Variants in WFIKKN2 observed in about 807,000 individuals in gnomAD.
The protein encoded by WFIKKN2 is WAP, follistatin/kazal, immunoglobulin, kunitz and netrin domain containing 2.
A neutral mutation model predicts 39.2 loss-of-function variants in WFIKKN2; 25 were observed. The ratio of observed to expected loss-of-function variants is 0.64; its 90% CI spans 0.47 to 0.89. The LOEUF is 0.89. Ranked by LOEUF, WFIKKN2 falls within the 40% of genes least tolerant of loss-of-function variation. WFIKKN2 has a pLI of 0.00. For synonymous variants in WFIKKN2, 345 were observed against 329.7 expected (o/e 1.05, Z -0.50); for missense variants, 770 against 811.7 (o/e 0.95, Z 0.62).
chr17:50,840,517 A>G lies in WFIKKN2; in HGVS notation c.1229A>G (p.Gln410Arg), dbSNP rs767468625. 2 of 1,614,008 alleles carry G rather than the reference A, an allele frequency of 1.2e-6. No homozygotes were observed. Among genetic ancestry groups the G allele is most frequent in the Non-Finnish European group, 1.7e-6 (2 of 1,179,942 alleles). ...PRWAYNSQTGQCQSFVYGGCE... is the reference protein window; with the variant it reads ...PRWAYNSQTGRCQSFVYGGCE... Reference sequence around the variant, plus strand: ...TGGGCTTACAACAGCCAGACGGGCCAGTGCCAGTCCTTTGTCTATGGTGGC... The same window carrying G: ...TGGGCTTACAACAGCCAGACGGGCCGGTGCCAGTCCTTTGTCTATGGTGGC... Residue 410 changes from glutamine (Q) to arginine (R), a missense_variant, in exon 2 of 2, where the codon CAG becomes CGG. Coordinates refer to ENST00000311378, the MANE Select transcript of WFIKKN2 (RefSeq NM_175575.6).
In WFIKKN2 at chr17:50,836,080, A is replaced by G. The variant is rs757392566; in HGVS notation, c.143A>G (p.Asn48Ser). 2.5e-5 allele frequency: 40 copies of G among 1,611,296 alleles called. No homozygotes were observed. The highest frequency in any genetic ancestry group is 3.3e-5 in the Non-Finnish European group (39 of 1,178,882). ...TATTCCCACGCCGGCATCTGCCCCAACGACATGAATCCCAACCTCTGGGTG... is the reference window on the plus strand; with the variant it reads ...TATTCCCACGCCGGCATCTGCCCCAGCGACATGAATCCCAACCTCTGGGTG... ...IRYSHAGICP[N>S]DMNPNLWVDA... is the part of the protein sequence containing the mutation. The change falls in exon 1 of 2, where the codon AAC (asparagine) becomes AGC (serine). Residue 48 changes from asparagine (N) to serine (S), a missense_variant. Asn to Ser is a conservative substitution (Grantham distance 46, BLOSUM62 1). Transcript: ENST00000311378.
chr17:50,838,061 T>C (rs1461060981), intron 1 of WFIKKN2, among the ~76,000 whole-genome samples: 1 of 152,122 alleles, frequency 6.6e-6, no homozygotes, highest in Non-Finnish European at 1.5e-5. Context: ...ACCCAGGCTT[T>C]CATGGACCTC....
rs1972015863 is a variant in WFIKKN2 at position 50,840,029 on chromosome 17, G to A, written c.741G>A (p.Leu247=). The A allele has an allele frequency of 1.9e-6, 3 of 1,614,150 alleles. No homozygotes were observed. In the African/African-American group the frequency reaches 4.0e-5, roughly 22 times the overall value. ...PRPEITWEKQ[L]EDRENVVMRP... ...CTGAGATCACCTGGGAGAAGCAGTT[G>A]GAGGATCGGGAGAATGTGGTCATGC... The change falls in exon 2 of 2, where the codon TTG becomes TTA. Residue 247 remains leucine, a synonymous_variant. Coordinates refer to ENST00000311378, the MANE Select transcript of WFIKKN2 (RefSeq NM_175575.6).
At chr17:50,836,793 A>T (rs1971965944) in intron 1 of WFIKKN2, among the ~76,000 whole-genome samples, 1 of 152,018 alleles carries the variant, frequency 6.6e-6, no homozygotes, top group South Asian at 2.1e-4. Context: ...GAGGCGGACC[A>T]GGTGAGTGGG....
chr17:50,841,489 CG>C lies in WFIKKN2; in HGVS notation c.*471del, dbSNP rs1182108704. On this transcript the variant is annotated 3_prime_UTR_variant, in exon 2 of 2. Coordinates refer to ENST00000311378, the MANE Select transcript of WFIKKN2 (RefSeq NM_175575.6). ...TGGGACACCTTTCCCACAGCCTCCT[CG>C]ATTGCTGTGAGCAGAGGCCACTCGG... The C allele has an allele frequency of 6.5e-6, 1 of 155,028 alleles. No homozygotes were observed. The highest frequency in any genetic ancestry group is 2.4e-5 in the African/African-American group (1 of 41,470). 9.6% of individuals were successfully genotyped at this position (155,028 alleles called of 1,614,324 possible).
At chr17:50,838,840 T>A (rs1971992355) in intron 1 of WFIKKN2, among the ~76,000 whole-genome samples, 1 of 152,048 alleles carries the variant, frequency 6.6e-6, no homozygotes, top group South Asian at 2.1e-4. Context: ...TGTGTGTCGG[T>A]CTCCTTGAGG....
At position 50,840,240 on chromosome 17, in the gene WFIKKN2, C is replaced by G. The variant is rs1972021642; in HGVS notation, c.952C>G (p.Pro318Ala). Residue 318 changes from proline to alanine, a missense_variant, in exon 2 of 2, where the codon CCC (proline) becomes GCC (alanine). Pro to Ala is a conservative substitution (Grantham distance 27). Transcript: ENST00000311378. ...HQAAATSESSPNGTAFPAAEC... is the reference protein window; with the variant it reads ...HQAAATSESSANGTAFPAAEC... ...GGCTGCAGCCACCTCAGAGAGCAGC[C>G]CCAATGGCACGGCTTTCCCGGCGGC... The G allele has an allele frequency of 2.5e-6, 4 of 1,613,900 alleles. No individual in the cohort carries two copies. The highest frequency in any genetic ancestry group is 3.4e-6 in the Non-Finnish European group (4 of 1,180,004).
chr17:50,835,929 G>A lies in WFIKKN2; in HGVS notation c.-9G>A. 1.2e-6 allele frequency: 2 copies of A among 1,610,172 alleles called. No individual in the cohort carries two copies. Among genetic ancestry groups the A allele is most frequent in the South Asian group, 1.1e-5 (1 of 90,390 alleles). ...TCAGGGGAGGTCTCTAGCCGCCCCA[G>A]CCTGCACCATGTGGGCCCCAAGGTG... On this transcript the variant is annotated 5_prime_UTR_variant, in exon 1 of 2. Transcript: ENST00000311378.
chr17:50,840,755 A>G lies in WFIKKN2; in HGVS notation c.1467A>G (p.Leu489=), dbSNP rs1972033811. ...CCCTGGTGACTGTGGATGAGGTCCT[A>G]AAGGATGAGAAAATGGGCCTCAAGT... ...GRALVTVDEV[L]KDEKMGLKFL... Residue 489 remains leucine, a synonymous_variant, in exon 2 of 2, where the codon CTA becomes CTG. Transcript: ENST00000311378. The G allele has an allele frequency of 1.9e-6, 3 of 1,614,050 alleles. No individual in the cohort carries two copies. The Middle Eastern group carries it at 5.0e-4, about 268-fold the overall frequency.
chr17:50,838,518 G>A (rs7225019), intron 1 of WFIKKN2, among the ~76,000 whole-genome samples: 88,640 of 152,112 alleles, frequency 0.58, 26,920 homozygotes, highest in Non-Finnish European at 0.69. Flanking sequence ...AAAACACCAC[G>A]TGAAATCCTT....
chr17:50,837,172 T>G (rs1198824585), intron 1 of WFIKKN2, among the ~76,000 whole-genome samples: 2 of 152,182 alleles, frequency 1.3e-5, no homozygotes, highest in Non-Finnish European at 2.9e-5. Context: ...GAGGGCACAG[T>G]TGTCATGGCC....
rs149132129 is a variant in WFIKKN2, at chr17:50,840,891, G to A, written c.1603G>A (p.Gly535Ser). The A allele has an allele frequency of 6.6e-5, 107 of 1,609,126 alleles. No individual in the cohort carries two copies. The African/African-American group carries it at 8.3e-4, about 12-fold the overall frequency. Reference sequence around the variant, plus strand: ...GCTCATCATCATGGGGGAGGTGGACGGCGGCATGGCCATGCTGCGCCCCGA... The same window carrying A: ...GCTCATCATCATGGGGGAGGTGGACAGCGGCATGGCCATGCTGCGCCCCGA... ...MPLIIMGEVD[G>S]GMAMLRPDSF... The change falls in exon 2 of 2, where the codon GGC becomes AGC. Residue 535 changes from glycine to serine, a missense_variant. Physicochemically the swap from Gly to Ser is moderately conservative, Grantham distance 56. Coordinates refer to ENST00000311378, the MANE Select transcript of WFIKKN2 (RefSeq NM_175575.6).
chr17:50,839,610 G>T lies in WFIKKN2; in HGVS notation c.322G>T (p.Glu108Ter), dbSNP rs755298115. The change falls in exon 2 of 2, where the codon GAG becomes TAG. Residue 108 changes from glutamate to a stop codon, truncating the protein, a stop_gained. Transcript: ENST00000311378. LOFTEE classifies it high-confidence loss of function. ...GKKGPVGMPK[E>*]ATCDHFMCLQ... ...GAAGGGCCCAGTGGGCATGCCCAAG[G>T]AGGCCACATGTGACCACTTCATGTG... is the stretch of plus-strand genomic sequence containing the variant. 4 of 1,614,208 alleles carry T rather than the reference G, an allele frequency of 2.5e-6. No individual in the cohort carries two copies. Among genetic ancestry groups the T allele is most frequent in the Non-Finnish European group, 3.4e-6 (4 of 1,180,028 alleles).
rs1277960752 is a variant in WFIKKN2, at chr17:50,840,762, G to A, written c.1474G>A (p.Glu492Lys). 1.3e-5 allele frequency: 21 copies of A among 1,613,980 alleles called. No individual in the cohort carries two copies. The highest frequency in any genetic ancestry group is 1.7e-5 in the Non-Finnish European group (20 of 1,180,032). Residue 492 changes from glutamate (E) to lysine (K), a missense_variant, in exon 2 of 2, where the codon GAG (glutamate) becomes AAG (lysine). By Grantham distance (56) the Glu-to-Lys change is moderately conservative. Coordinates refer to ENST00000311378, the MANE Select transcript of WFIKKN2 (RefSeq NM_175575.6). Reference sequence around the variant, plus strand: ...GACTGTGGATGAGGTCCTAAAGGATGAGAAAATGGGCCTCAAGTTCCTGGG... The same window carrying A: ...GACTGTGGATGAGGTCCTAAAGGATAAGAAAATGGGCCTCAAGTTCCTGGG... The part of the protein sequence containing the change: ...LVTVDEVLKD[E>K]KMGLKFLGQE...
At chr17:50,836,284 C>A in intron 1 of WFIKKN2, 137 bp downstream of exon 1, 2 of 1,042,874 alleles carry the variant, frequency 1.9e-6, no homozygotes, top group Non-Finnish European at 2.8e-6. Context: ...GTGAGGCGGA[C>A]CAGGTGAGTG....
rs751762874 is a variant in WFIKKN2, at chr17:50,839,591, C to T, written c.303C>T (p.Gly101=). The change falls in exon 2 of 2, where the codon GGC becomes GGT. Residue 101 remains glycine (G), a synonymous_variant. Coordinates refer to ENST00000311378, the MANE Select transcript of WFIKKN2 (RefSeq NM_175575.6). ...ACATGGACGTGAAAGGGAAGAAGGG[C>T]CCAGTGGGCATGCCCAAGGAGGCCA... ...ARYMDVKGKK[G]PVGMPKEATC... 6.2e-6 allele frequency: 10 copies of T among 1,614,172 alleles called. No homozygotes were observed. The highest frequency in any genetic ancestry group is 8.5e-6 in the Non-Finnish European group (10 of 1,180,026).
In WFIKKN2 at chr17:50,835,670, C is replaced by T. The variant is rs1266963618; in HGVS notation, c.-268C>T. 7 of 475,458 alleles carry T rather than the reference C, an allele frequency of 1.5e-5. No individual in the cohort carries two copies. Among genetic ancestry groups the T allele is most frequent in the African/African-American group, 6.0e-5 (3 of 50,216 alleles). The allele number at this position is 475,458 out of a possible 1,614,324, so 29.5% of individuals were successfully genotyped here. On this transcript the variant is annotated 5_prime_UTR_variant, in exon 1 of 2. Transcript: ENST00000311378. ...CGCGCCCAGGATATAAATCCGGGCG[C>T]GGGCCCCTGCTGTGGCTCCTCTCCC...
chr17:50,839,240 C>T (rs982474619), intron 1 of WFIKKN2, among the ~76,000 whole-genome samples: 6 of 152,198 alleles, frequency 3.9e-5, no homozygotes, highest in African/African-American at 1.4e-4. Flanking sequence ...CCTCAGTCAT[C>T]ATCTGTGGAG....
At chr17:50,834,971 T>G, upstream of WFIKKN2, 1 of 142,896 alleles carries the variant, frequency 7.0e-6, no homozygotes, top group Non-Finnish European at 1.6e-5. Context: ...TTTCTCGGTG[T>G]GTCGATGGAA....
Sources: allele counts gnomAD v4.1 joint callset (sites outside exome capture counted in the v4.1 genomes callset), GRCh38; gene constraint gnomAD v4.1.1; transcripts MANE v1.5; gene names NCBI Gene and HGNC (gene_info 2026-07-23, HGNC 2026-07-21).